Variants in REST observed in about 807,000 individuals in gnomAD.
The protein encoded by REST is RE1 silencing transcription factor.
A neutral mutation model predicts 30.4 loss-of-function variants in REST; 1 was observed. That is an observed-to-expected ratio of 0.03 (90% CI 0.01 to 0.16). The LOEUF is 0.16. Ranked by LOEUF, REST falls within the 10% of genes least tolerant of loss-of-function variation. The pLI is 1.00. For missense variants in REST, 1,259 were observed against 1,329.5 expected, an observed-to-expected ratio of 0.95 and a Z score of 0.82; for synonymous variants, 504 against 451.1, an observed-to-expected ratio of 1.12 and a Z score of -1.49.
In REST at chr4:56,910,981, G is replaced by A. The variant is rs2109523509; in HGVS notation, c.343G>A (p.Glu115Lys). The A allele has an allele frequency of 6.2e-7, 1 of 1,614,202 alleles. No individual in the cohort carries two copies. Among genetic ancestry groups the A allele is most frequent in the Middle Eastern group, 1.6e-4 (1 of 6,062 alleles). The change falls in exon 2 of 4, where the codon GAA (glutamate) becomes AAA (lysine). Residue 115 changes from glutamate to lysine, a missense_variant. Glu to Lys is a moderately conservative substitution (Grantham distance 56). Around this residue, in one of 5 missense-constraint regions of REST, gnomAD observed 249 missense variants for 251.5 expected, o/e 0.99. Coordinates refer to ENST00000309042, the MANE Select transcript of REST (RefSeq NM_005612.5). Reference sequence around the variant, plus strand: ...GGAAAACATGGAACTGAGAAGTTTGGAACTCAGCGTCGTAGAACCTCAGCC... The same window carrying A: ...GGAAAACATGGAACTGAGAAGTTTGAAACTCAGCGTCGTAGAACCTCAGCC... ...GLENMELRSL[E>K]LSVVEPQPVF...
At position 56,933,597 on chromosome 4, in the gene REST, C is replaced by T. The variant is rs530876526; in HGVS notation, c.*1445C>T. The T allele has an allele frequency of 2.6e-5, 4 of 152,236 alleles. No homozygotes were observed. In the South Asian group the frequency reaches 8.3e-4, roughly 32 times the overall value. The allele number at this position is 152,236 out of a possible 1,614,324, so 9.4% of individuals were successfully genotyped here. On this transcript the variant is annotated 3_prime_UTR_variant, in exon 4 of 4. Coordinates refer to ENST00000309042, the MANE Select transcript of REST (RefSeq NM_005612.5). ...GTCCTGGCTGTCTGTGTGATAGCCT[C>T]TTTCTATAGGTGAGGCCTCAAATGA...
chr4:56,918,693 A>G (rs960094741), intron 2 of REST, among the ~76,000 whole-genome samples: 15 of 151,978 alleles, frequency 9.9e-5, no homozygotes, highest in Non-Finnish European at 1.8e-4. Context: ...AAGTGAGACT[A>G]CAGGGTCTCA....
rs549796077 is a variant in REST at position 56,911,024 on chromosome 4, G to T, written c.386G>T (p.Gly129Val). 6.8e-6 allele frequency: 11 copies of T among 1,614,144 alleles called. No individual in the cohort carries two copies. In the Admixed American group the frequency reaches 1.7e-4, roughly 24 times the overall value. Residue 129 changes from glycine to valine, a missense_variant, in exon 2 of 4, where the codon GGT becomes GTT. Transcript: ENST00000309042. ...VEPQPVFEASGAPDIYSSNKD... is the reference protein window; with the variant it reads ...VEPQPVFEASVAPDIYSSNKD... ...CCTCAGCCTGTATTTGAGGCATCAG[G>T]TGCTCCAGATATTTACAGTTCAAAT... is the stretch of plus-strand genomic sequence containing the variant.
At position 56,932,222 on chromosome 4, in the gene REST, C is replaced by T. The variant is rs1000173060; in HGVS notation, c.*70C>T. On this transcript the variant is annotated 3_prime_UTR_variant, in exon 4 of 4. Transcript: ENST00000309042. ...TACATTTTATATTCATTTATGATAGCAGACAACCTTTTAAGATTGCTTTAA... is the reference window on the plus strand; with the variant it reads ...TACATTTTATATTCATTTATGATAGTAGACAACCTTTTAAGATTGCTTTAA... The T allele has an allele frequency of 1.8e-5, 27 of 1,463,546 alleles. No homozygotes were observed. Among genetic ancestry groups the T allele is most frequent in the Non-Finnish European group, 2.4e-5 (26 of 1,090,098 alleles). The allele number at this position is 1,463,546 out of a possible 1,614,324, so 90.7% of individuals were successfully genotyped here. A position where few individuals can be genotyped will look rare whatever the true frequency, so the allele number is the denominator to read the frequency against.
chr4:56,913,541 G>C (rs780692390), intron 2 of REST, among the ~76,000 whole-genome samples: 16 of 152,136 alleles, frequency 1.1e-4, no homozygotes, highest in Non-Finnish European at 1.9e-4. Context: ...GTTTGCCTCA[G>C]GTCTCCTCTT....
Position 56,931,641 on chromosome 4 carries a change from C to T in REST, c.2783C>T (p.Thr928Met), listed in dbSNP as rs747423176. 29 of 1,614,076 alleles carry T rather than the reference C, an allele frequency of 1.8e-5. No individual in the cohort carries two copies. The highest frequency in any genetic ancestry group is 4.5e-5 in the East Asian group (2 of 44,902). The part of the protein sequence containing the change: ...HISSSGQNLN[T>M]PEGETLNGKH... ...TCATCCTCTGGACAAAACTTGAATA[C>T]GCCAGAGGGTGAAACTTTAAATGGT... The change falls in exon 4 of 4, where the codon ACG (threonine) becomes ATG (methionine). Residue 928 changes from threonine (T) to methionine (M), a missense_variant. By Grantham distance (81) the Thr-to-Met change is moderately conservative. Coordinates refer to ENST00000309042, the MANE Select transcript of REST (RefSeq NM_005612.5).
At position 56,931,226 on chromosome 4, in the gene REST, A is replaced by G. The variant is rs747085895; in HGVS notation, c.2368A>G (p.Lys790Glu). The G allele has an allele frequency of 6.2e-7, 1 of 1,614,062 alleles. No individual in the cohort carries two copies. Among genetic ancestry groups the G allele is most frequent in the South Asian group, 1.1e-5 (1 of 91,066 alleles). ...GTCTCCTCCCATGGGGGTGGTTCAG[A>G]AGGAGCCTGCTCAGAGGGAGCCACC... ...ELSPPMGVVQ[K>E]EPAQREPPPP... Residue 790 changes from lysine to glutamate, a missense_variant, in exon 4 of 4, where the codon AAG becomes GAG. By Grantham distance (56) the Lys-to-Glu change is moderately conservative (BLOSUM62 1). This residue lies in a region of REST where 856 missense variants were observed against 772.8 expected (regional missense o/e 1.11). Coordinates refer to ENST00000309042, the MANE Select transcript of REST (RefSeq NM_005612.5).
chr4:56,934,560 GA>G lies in REST; in HGVS notation c.*2410del, dbSNP rs1459653309. ...GATTGTCAGGCCTATATTAGGTTCT[GA>G]ACCTTAATGCCATGTATTTGTACTT... On this transcript the variant is annotated 3_prime_UTR_variant, in exon 4 of 4. Transcript: ENST00000309042. The G allele has an allele frequency of 6.6e-6, 1 of 152,122 alleles. No homozygotes were observed. The highest frequency in any genetic ancestry group is 2.4e-5 in the African/African-American group (1 of 41,458). The allele number at this position is 152,122 out of a possible 1,614,324, so 9.4% of individuals were successfully genotyped here.
chr4:56,927,635 G>A (rs767002647), intron 3 of REST: 3 of 1,216,796 alleles, frequency 2.5e-6, no homozygotes, highest in African/African-American at 3.2e-5. Context: ...ATACCATTTG[G>A]TAATATTTAC....
At chr4:56,929,310 A>G (rs894489855) in intron 3 of REST, among the ~76,000 whole-genome samples, 2 of 152,096 alleles carry the variant, frequency 1.3e-5, no homozygotes, top group African/African-American at 4.8e-5. Context: ...GCCTCAAGGT[A>G]TCCGCCCACC....
At chr4:56,915,435 A>G (rs1720151126) in intron 2 of REST, among the ~76,000 whole-genome samples, 1 of 151,094 alleles carries the variant, frequency 6.6e-6, no homozygotes, top group Non-Finnish European at 1.5e-5. Flanking sequence ...TTTTTAGTAG[A>G]GACAGCGTTT....
chr4:56,931,394 A>G lies in REST; in HGVS notation c.2536A>G (p.Lys846Glu). The G allele has an allele frequency of 6.2e-7, 1 of 1,614,252 alleles. No homozygotes were observed. ...TATTGAAGTTGGCTTAGTGCCTGTT[A>G]AAGATAGCTGGCTTCTAAAGGAAAG... ...VLIEVGLVPV[K>E]DSWLLKESVS... Residue 846 changes from lysine to glutamate, a missense_variant, in exon 4 of 4, where the codon AAA becomes GAA. By Grantham distance (56) the Lys-to-Glu change is moderately conservative. Transcript: ENST00000309042.
chr4:56,932,019 A>G lies in REST; in HGVS notation c.3161A>G (p.Lys1054Arg), dbSNP rs1320856752. 1.2e-6 allele frequency: 2 copies of G among 1,614,244 alleles called. No homozygotes were observed. Among genetic ancestry groups the G allele is most frequent in the South Asian group, 1.1e-5 (1 of 91,086 alleles). ...RKNAKEALAV[K>R]AAKGDFVCIF... ...AATGCAAAGGAAGCCTTGGCAGTCA[A>G]AGCGGCTAAGGGAGATTTTGTTTGT... Residue 1054 changes from lysine to arginine, a missense_variant, in exon 4 of 4, where the codon AAA (lysine) becomes AGA (arginine). Around this residue, in one of 5 missense-constraint regions of REST, gnomAD observed 856 missense variants for 772.8 expected, o/e 1.11. Transcript: ENST00000309042.
rs1412912905 is a variant in REST at position 56,911,508 on chromosome 4, T to C, written c.870T>C (p.Asn290=). Residue 290 remains asparagine (N), a synonymous_variant, in exon 2 of 4, where the codon AAT becomes AAC. Transcript: ENST00000309042. The part of the protein sequence containing the change: ...KCNYFSDRKN[N]YVQHVRTHTG... ...ACTATTTTTCAGACAGAAAAAACAA[T>C]TATGTTCAGCATGTTAGAACTCATA... The C allele has an allele frequency of 6.2e-7, 1 of 1,613,778 alleles. No individual in the cohort carries two copies. The highest frequency in any genetic ancestry group is 8.5e-7 in the Non-Finnish European group (1 of 1,179,854).
chr4:56,912,030 G>T (rs1472328024), intron 2 of REST, among the ~76,000 whole-genome samples: 1 of 152,194 alleles, frequency 6.6e-6, no homozygotes, highest in South Asian at 2.1e-4. Flanking sequence ...ATGCAGTGTA[G>T]TTTCTGAAAG....
chr4:56,918,981 C>CT lies in REST; in HGVS notation c.899-805dup, dbSNP rs1296441743. On this transcript the variant is annotated intron_variant, in intron 2 of 3. Coordinates refer to ENST00000309042, the MANE Select transcript of REST (RefSeq NM_005612.5). ...CCACAATCCCCATGCTCAGCCCAGGCTATTTTTTTTTTTTTTTTAAACGAG... is the reference window on the plus strand; with the variant it reads ...CCACAATCCCCATGCTCAGCCCAGGCTTATTTTTTTTTTTTTTTTAAACGAG... Among the ~76,000 whole-genome samples, 139 of 148,096 alleles carry CT rather than the reference C, an allele frequency of 9.4e-4. 2 individuals carry two copies. The highest frequency in any genetic ancestry group is 3.4e-3 in the Admixed American group (50 of 14,788).
At position 56,911,364 on chromosome 4, in the gene REST, G is replaced by C; in HGVS notation, c.726G>C (p.Gly242=). 6.2e-7 allele frequency: 1 copy of C among 1,614,164 alleles called. No individual in the cohort carries two copies. The highest frequency in any genetic ancestry group is 2.2e-5 in the East Asian group (1 of 44,886). The change falls in exon 2 of 4, where the codon GGG becomes GGC. Residue 242 remains glycine, a synonymous_variant. Transcript: ENST00000309042. The part of the protein sequence containing the change: ...TAHLKHHTRA[G]DNERVYKCII... Reference sequence around the variant, plus strand: ...ACCTGAAACACCACACCAGAGCTGGGGATAATGAGCGAGTCTACAAGTGTA... The same window carrying C: ...ACCTGAAACACCACACCAGAGCTGGCGATAATGAGCGAGTCTACAAGTGTA...
chr4:56,911,103 G>C lies in REST; in HGVS notation c.465G>C (p.Lys155Asn). The C allele has an allele frequency of 6.2e-7, 1 of 1,614,190 alleles. No homozygotes were observed. The highest frequency in any genetic ancestry group is 8.5e-7 in the Non-Finnish European group (1 of 1,180,048). ...CGGAGGACAAAGGCAAGAGCTCGAA[G>C]ACCAAACCCTTTCGCTGTAAGCCAT... is the stretch of plus-strand genomic sequence containing the variant. The part of the protein sequence containing the change: ...PGAEDKGKSS[K>N]TKPFRCKPCQ... Residue 155 changes from lysine to asparagine, a missense_variant, in exon 2 of 4, where the codon AAG (lysine) becomes AAC (asparagine). Lys to Asn is a moderately conservative substitution (Grantham distance 94). Coordinates refer to ENST00000309042, the MANE Select transcript of REST (RefSeq NM_005612.5).
At position 56,930,144 on chromosome 4, in the gene REST, A is replaced by G; in HGVS notation, c.1286A>G (p.Lys429Arg). 1 of 1,613,590 alleles carries G rather than the reference A, an allele frequency of 6.2e-7. No homozygotes were observed. Among genetic ancestry groups the G allele is most frequent in the South Asian group, 1.1e-5 (1 of 90,832 alleles). ...TMDVSKVKLK[K>R]TKKREADLPD... ...GATGTCTCAAAAGTGAAACTAAAGA[A>G]AACCAAAAAACGAGAGGCTGACTTG... The change falls in exon 4 of 4, where the codon AAA becomes AGA. Residue 429 changes from lysine (K) to arginine (R), a missense_variant. Physicochemically the swap from Lys to Arg is conservative, Grantham distance 26 (BLOSUM62 2). Coordinates refer to ENST00000309042, the MANE Select transcript of REST (RefSeq NM_005612.5).
Sources: allele counts gnomAD v4.1 joint callset (sites outside exome capture counted in the v4.1 genomes callset), GRCh38; gene constraint gnomAD v4.1.1; regional missense constraint gnomAD v4.1.1; transcripts MANE v1.5; gene names NCBI Gene and HGNC (gene_info 2026-07-23, HGNC 2026-07-21).